ABLIM1: variants seen among roughly 807,000 people sequenced by gnomAD.
ABLIM1 encodes the protein actin binding LIM protein 1, also known as actin-binding LIM protein 1.
Under a neutral mutation model 107.0 loss-of-function variants are expected in ABLIM1, and 40 were observed. That is an observed-to-expected ratio of 0.37 (90% CI 0.29 to 0.49). ABLIM1 has a LOEUF of 0.49. Ranked by LOEUF, ABLIM1 falls within the 20% of genes least tolerant of loss-of-function variation. The pLI, the probability that ABLIM1 is intolerant of heterozygous loss-of-function variation, is 0.97. For missense variants in ABLIM1, 857 were observed against 1,008.5 expected (o/e 0.85, Z 2.04); for synonymous variants, 357 against 357.3 (o/e 1.00, Z 0.01).
At chr10:114,610,906 C>A (rs2076763613) in intron 1 of ABLIM1, among the ~76,000 whole-genome samples, 1 of 152,178 alleles carries the variant, frequency 6.6e-6, no homozygotes, top group African/African-American at 2.4e-5. Flanking sequence ...GTAATCCCAG[C>A]ACTTTGGGAG....
At chr10:114,684,632 G>C in exon 1 of ABLIM1, 1 of 1,202,760 alleles carries the variant, frequency 8.3e-7, no homozygotes, top group South Asian at 3.5e-5. Context: ...GAGACCCCTT[G>C]CAAAAGCACA....
Position 114,491,012 on chromosome 10 carries a change from G to GTGTGTGTGTGTATATATATATATA in ABLIM1, c.982+778_982+779insTATATATATATATACACACACACA. Among the ~76,000 whole-genome samples the GTGTGTGTGTGTATATATATATATA allele has an allele frequency of 1.4e-3, 125 of 92,340 alleles. 1 individual carries two copies. Among genetic ancestry groups the GTGTGTGTGTGTATATATATATATA allele is most frequent in the African/African-American group, 5.3e-3 (114 of 21,658 alleles). 60.6% of individuals were successfully genotyped at this position (92,340 alleles called of 152,430 possible). ...TGTGTGTGTGTGTGTGTGTGTGTGT[G>GTGTGTGTGTGTATATATATATATA]TATATATATATATGGTCTATTTTAT... On this transcript the variant is annotated intron_variant, in intron 7 of 22. Transcript: ENST00000533213.
intron 12 of ABLIM1, among the ~76,000 whole-genome samples, chr10:114,463,839 T>C (rs1228520447): frequency 6.6e-6 from 1 of 152,194 alleles, no homozygotes; most frequent in Admixed American, 6.5e-5. Flanking sequence ...GGATCACAAG[T>C]ATGCTATCAG....
intron 14 of ABLIM1, among the ~76,000 whole-genome samples, chr10:114,450,892 T>A (rs1018014570): frequency 1.3e-5 from 2 of 152,176 alleles, no homozygotes; most frequent in Non-Finnish European, 2.9e-5. Context: ...GGTCGATATA[T>A]CTACAGAGAC....
chr10:114,659,254 A>G (rs2141222722), upstream of ABLIM1, among the ~76,000 whole-genome samples: 1 of 152,144 alleles, frequency 6.6e-6, no homozygotes, highest in Non-Finnish European at 1.5e-5. Flanking sequence ...CACGTCTGTA[A>G]TCCTAGCACT....
chr10:114,620,359 G>A (rs1210679004), intron 1 of ABLIM1, among the ~76,000 whole-genome samples: 2 of 152,112 alleles, frequency 1.3e-5, no homozygotes, highest in Non-Finnish European at 1.5e-5. Flanking sequence ...AACCATAATC[G>A]AGAGGCCCTT....
intron 6 of ABLIM1, among the ~76,000 whole-genome samples, chr10:114,506,707 T>C (rs921197450): frequency 1.3e-5 from 2 of 152,234 alleles, no homozygotes; most frequent in East Asian, 1.9e-4. Context: ...ATTTTTTAAT[T>C]GTTTAAGTTT....
chr10:114,618,743 G>A (rs566446861), intron 1 of ABLIM1, among the ~76,000 whole-genome samples: 1 of 152,324 alleles, frequency 6.6e-6, no homozygotes, highest in South Asian at 2.1e-4. Context: ...CACCACGCTA[G>A]CCCCCAACCT....
upstream of ABLIM1, among the ~76,000 whole-genome samples, chr10:114,660,164 C>T (rs541539582): frequency 1.3e-5 from 2 of 152,258 alleles, no homozygotes; most frequent in East Asian, 3.9e-4. Context: ...GGGAATTAAG[C>T]CCAACACCAA....
intron 1 of ABLIM1, among the ~76,000 whole-genome samples, chr10:114,753,525 A>C (rs142401162): frequency 2.6e-4 from 40 of 152,364 alleles, no homozygotes; most frequent in African/African-American, 9.6e-4. Context: ...CAGTCATAAA[A>C]CATGAGCAAT....
intron 2 of ABLIM1, among the ~76,000 whole-genome samples, chr10:114,586,521 G>A (rs2074215775): frequency 6.6e-6 from 1 of 152,170 alleles, no homozygotes; most frequent in South Asian, 2.1e-4. Context: ...AGTATATCAT[G>A]GGTTCTTTTA....
chr10:114,665,025 G>A (rs1353885678), intron 1 of ABLIM1, among the ~76,000 whole-genome samples: 1 of 151,860 alleles, frequency 6.6e-6, no homozygotes, highest in Non-Finnish European at 1.5e-5. Flanking sequence ...GCTGAGGCAG[G>A]AGAATGGCGT....
At chr10:114,538,271 G>A (rs927578295) in intron 6 of ABLIM1, among the ~76,000 whole-genome samples, 3 of 152,202 alleles carry the variant, frequency 2.0e-5, no homozygotes, top group African/African-American at 7.2e-5. Context: ...CCAAGGAAAA[G>A]GATTTGGCTG....
At chr10:114,685,393 G>T (rs1173558723), upstream of ABLIM1, among the ~76,000 whole-genome samples, 1 of 152,104 alleles carries the variant, frequency 6.6e-6, no homozygotes, top group Non-Finnish European at 1.5e-5. Context: ...TTAATGTAAG[G>T]CCTATAATCA....
At chr10:114,590,694 C>G (rs1219417269) in intron 2 of ABLIM1, among the ~76,000 whole-genome samples, 3 of 152,150 alleles carry the variant, frequency 2.0e-5, no homozygotes, top group Non-Finnish European at 4.4e-5. Flanking sequence ...GTGAGATCCA[C>G]CCTTTGCCTT....
chr10:114,756,113 GAAGT>G (rs1381151206), intron 1 of ABLIM1, among the ~76,000 whole-genome samples: 4 of 150,454 alleles, frequency 2.7e-5, no homozygotes, highest in East Asian at 3.9e-4. Context: ...TGTTCTAAAA[GAAGT>G]AAGAAAAGGA....
At chr10:114,532,743 C>T (rs2065587400) in intron 6 of ABLIM1, among the ~76,000 whole-genome samples, 1 of 152,160 alleles carries the variant, frequency 6.6e-6, no homozygotes, top group African/African-American at 2.4e-5. Flanking sequence ...AGGACAAAAT[C>T]GAGCCAAGGT....
intron 1 of ABLIM1, chr10:114,767,914 C>A (rs1192316944): frequency 9.7e-6 from 3 of 309,246 alleles, no homozygotes; most frequent in African/African-American, 2.3e-5. Flanking sequence ...CCCCTGCCCC[C>A]GGCCCCCGGC....
chr10:114,716,410 A>AACACACACACAC (rs56097544), intron 1 of ABLIM1, among the ~76,000 whole-genome samples: 36 of 143,622 alleles, frequency 2.5e-4, no homozygotes, highest in African/African-American at 8.1e-4. Context: ...GGTAGAGAGA[A>AACACACACACAC]ACACACACAC....
Sources: gnomAD v4.1 joint callset for allele counts (sites outside exome capture counted in the v4.1 genomes callset) on GRCh38, gnomAD v4.1.1 for gene constraint, MANE v1.5 for transcripts, NCBI Gene and HGNC (gene_info 2026-07-23, HGNC 2026-07-21) for gene names.